The following ZNF438 variants were observed in gnomAD, a reference collection of about 807,000 sequenced individuals.
ZNF438 encodes the protein zinc finger protein 438.
Under a neutral mutation model 38.0 loss-of-function variants are expected in ZNF438, and 25 were observed. That is an observed-to-expected ratio of 0.66 (90% CI 0.48 to 0.92). ZNF438 has a LOEUF of 0.92. ZNF438 is among the 40% of genes least tolerant of loss of function. The pLI is 0.00. For missense variants in ZNF438, 1,007 were observed against 999.6 expected (o/e 1.01, Z -0.10); for synonymous variants, 372 against 364.1 (o/e 1.02, Z -0.25).
At position 30,910,238 on chromosome 10, in the gene ZNF438, T is replaced by G. The variant is rs370567473; in HGVS notation, c.-114-1223A>C. Reference sequence around the variant, plus strand: ...GGAAGAGGAAAGACCATACTTAAAGTGATCATAGATTGAAGGAAGCAAGGA... The same window carrying G: ...GGAAGAGGAAAGACCATACTTAAAGGGATCATAGATTGAAGGAAGCAAGGA... On this transcript the variant is annotated intron_variant, in intron 2 of 5. Transcript: ENST00000413025. 3.3e-5 allele frequency: 5 copies of G among 152,192 alleles called. No individual in the cohort carries two copies. In the East Asian group the frequency reaches 9.7e-4, roughly 29 times the overall value. 9.4% of individuals were successfully genotyped at this position (152,192 alleles called of 1,614,324 possible). A position where few individuals can be genotyped will look rare whatever the true frequency, so the allele number is the denominator to read the frequency against.
intron 3 of ZNF438, among the ~76,000 whole-genome samples, chr10:30,879,381 G>GA (rs574528754): frequency 1.1e-3 from 166 of 152,076 alleles, no homozygotes; most frequent in African/African-American, 3.6e-3. Context: ...CTATGTACCA[G>GA]AAAAAATCAC....
intron 4 of ZNF438, chr10:30,875,503 T>A: frequency 3.0e-6 from 3 of 985,412 alleles, no homozygotes; most frequent in Non-Finnish European, 3.6e-6. Context: ...AAGCTTCTCC[T>A]TGCTTGCTTG....
intron 1 of ZNF438, among the ~76,000 whole-genome samples, chr10:31,014,509 A>G (rs913880923): frequency 6.6e-6 from 1 of 152,128 alleles, no homozygotes; most frequent in Non-Finnish European, 1.5e-5. Context: ...CTAATTATCT[A>G]TCAAAGGCCC....
chr10:30,952,089 TAACGCTGCCTATCTAC>T (rs1265916897), intron 1 of ZNF438, among the ~76,000 whole-genome samples: 1 of 151,122 alleles, frequency 6.6e-6, no homozygotes, highest in Non-Finnish European at 1.5e-5. Flanking sequence ...CCCTCAGAAA[TAACGCTGCCTATCTAC>T]AACTATCTGA....
At chr10:31,028,245 C>G (rs2133417181) in intron 1 of ZNF438, among the ~76,000 whole-genome samples, 1 of 152,266 alleles carries the variant, frequency 6.6e-6, no homozygotes, top group South Asian at 2.1e-4. Flanking sequence ...TGGAAACCTG[C>G]CTGAATACTT....
chr10:30,919,768 C>T (rs1023811250), intron 2 of ZNF438: 1 of 152,162 alleles, frequency 6.6e-6, no homozygotes, highest in African/African-American at 2.4e-5. Context: ...ACTATAGACG[C>T]ACGCCACCAT....
intron 3 of ZNF438, among the ~76,000 whole-genome samples, chr10:30,894,784 G>T (rs982322193): frequency 6.6e-6 from 1 of 152,140 alleles, no homozygotes; most frequent in African/African-American, 2.4e-5. Flanking sequence ...TTCAAGCACT[G>T]GTTCATACAC....
At chr10:30,860,577 A>AATCTTT (rs2133130566) in intron 4 of ZNF438, among the ~76,000 whole-genome samples, 1 of 152,284 alleles carries the variant, frequency 6.6e-6, no homozygotes, top group South Asian at 2.1e-4. Context: ...TTTGACACTC[A>AATCTTT]CGCTGGTAGC....
intron 3 of ZNF438, among the ~76,000 whole-genome samples, chr10:30,893,250 A>C (rs1402266599): frequency 6.6e-6 from 1 of 152,222 alleles, no homozygotes; most frequent in Non-Finnish European, 1.5e-5. Flanking sequence ...TGAATATGCA[A>C]ACACTGTATT....
chr10:31,026,540 G>A (rs1338143308), intron 1 of ZNF438, among the ~76,000 whole-genome samples: 1 of 152,198 alleles, frequency 6.6e-6, no homozygotes, highest in Non-Finnish European at 1.5e-5. Context: ...ACCACAATGA[G>A]ATACCATTTC....
intron 4 of ZNF438, among the ~76,000 whole-genome samples, chr10:30,854,157 A>C (rs2034192773): frequency 6.6e-6 from 1 of 152,034 alleles, no homozygotes; most frequent in African/African-American, 2.4e-5. Flanking sequence ...GTCTCTACTA[A>C]AAATACAAAA....
chr10:30,927,935 T>C (rs1367136808), intron 2 of ZNF438, among the ~76,000 whole-genome samples: 1 of 152,246 alleles, frequency 6.6e-6, no homozygotes, highest in Non-Finnish European at 1.5e-5. Flanking sequence ...GTCCAGTTTT[T>C]ACAGCAAAAG....
chr10:30,880,597 A>T (rs2039111786), intron 3 of ZNF438, among the ~76,000 whole-genome samples: 1 of 152,142 alleles, frequency 6.6e-6, no homozygotes. Flanking sequence ...TATACCAATT[A>T]TATATAAATC....
chr10:30,946,337 G>A (rs2047407963), intron 1 of ZNF438, among the ~76,000 whole-genome samples: 1 of 152,172 alleles, frequency 6.6e-6, no homozygotes, highest in Non-Finnish European at 1.5e-5. Flanking sequence ...AGACAAAGTT[G>A]ACAAATGGGA....
intron 1 of ZNF438, among the ~76,000 whole-genome samples, chr10:31,028,422 A>G (rs1018974347): frequency 6.6e-6 from 1 of 152,230 alleles, no homozygotes; most frequent in African/African-American, 2.4e-5. Context: ...TAAAAATTCT[A>G]TCATTGCCAA....
At chr10:30,942,717 T>A (rs1297885801) in intron 1 of ZNF438, among the ~76,000 whole-genome samples, 1 of 151,720 alleles carries the variant, frequency 6.6e-6, no homozygotes, top group Admixed American at 6.6e-5. Context: ...GAATTTCGTA[T>A]CTCCAACCTA....
intron 3 of ZNF438, among the ~76,000 whole-genome samples, chr10:30,893,784 T>C (rs1050817550): frequency 3.9e-5 from 6 of 152,176 alleles, no homozygotes; most frequent in African/African-American, 1.2e-4. Context: ...GGAAAAACTA[T>C]AAACAGGCTA....
Position 30,854,197 on chromosome 10 carries a change from G to A in ZNF438, c.38-3830C>T, listed in dbSNP as rs1310752341. The stretch of plus-strand genomic sequence containing the variant: ...TAGCTGGGCGTGGTGGTGGGCGCCT[G>A]TAGTCCCAGCTACTCGGGAGGCTGA... On this transcript the variant is annotated intron_variant, in intron 4 of 5. Coordinates refer to ENST00000413025, the Ensembl canonical transcript of ZNF438. 2.6e-5 allele frequency among the ~76,000 whole-genome samples: 4 copies of A among 152,124 alleles called. No individual in the cohort carries two copies. In the East Asian group the frequency reaches 7.7e-4, roughly 29 times the overall value.
At chr10:30,906,551 G>A (rs1391138792) in intron 3 of ZNF438, among the ~76,000 whole-genome samples, 1 of 152,010 alleles carries the variant, frequency 6.6e-6, no homozygotes, top group East Asian at 1.9e-4. Context: ...TTCCAATCTG[G>A]ATGCTTTTCT....
Sources: gnomAD v4.1 joint callset for allele counts (sites outside exome capture counted in the v4.1 genomes callset) on GRCh38, gnomAD v4.1.1 for gene constraint, MANE v1.5 for transcripts, NCBI Gene and HGNC (gene_info 2026-07-23, HGNC 2026-07-21) for gene names.